TTBK2: variants seen among roughly 807,000 people sequenced by gnomAD.
TTBK2 encodes tau-tubulin kinase 2.
TTBK2 carries 28 observed loss-of-function variants against 110.8 expected under a neutral mutation model. The ratio of observed to expected loss-of-function variants is 0.25; its 90% CI spans 0.19 to 0.35. The LOEUF (loss-of-function observed/expected upper bound fraction) is 0.35. TTBK2 is among the 10% of genes least tolerant of loss of function. The pLI, the probability that TTBK2 is intolerant of heterozygous loss-of-function variation, is 1.00. For missense variants in TTBK2, 1,369 were observed against 1,500.3 expected (o/e 0.91, Z 1.45); for synonymous variants, 532 against 527.3 (o/e 1.01, Z -0.12).
At chr15:42,781,943 T>C (rs1890196295) in intron 11 of TTBK2, among the ~76,000 whole-genome samples, 1 of 152,194 alleles carries the variant, frequency 6.6e-6, no homozygotes, top group Non-Finnish European at 1.5e-5. Context: ...TGACATGATA[T>C]ATATGAAATC....
intron 3 of TTBK2, among the ~76,000 whole-genome samples, chr15:42,848,619 T>G (rs950771220): frequency 6.6e-6 from 1 of 152,136 alleles, no homozygotes; most frequent in Non-Finnish European, 1.5e-5. Flanking sequence ...GCCTCCCAGG[T>G]AGCTGGGATT....
At chr15:42,748,893 C>A (rs1261406281) in intron 14 of TTBK2, among the ~76,000 whole-genome samples, 1 of 152,136 alleles carries the variant, frequency 6.6e-6, no homozygotes, top group Non-Finnish European at 1.5e-5. Context: ...CTAGGGAAAT[C>A]TATAGGATTT....
In TTBK2 at chr15:42,741,384, A is replaced by G. The variant is rs1252628732; in HGVS notation, c.*4411T>C. 6.6e-6 allele frequency: 1 copy of G among 152,260 alleles called. No homozygotes were observed. Among genetic ancestry groups the G allele is most frequent in the African/African-American group, 2.4e-5 (1 of 41,468 alleles). The allele number at this position is 152,260 out of a possible 1,614,324, so 9.4% of individuals were successfully genotyped here. On this transcript the variant is annotated 3_prime_UTR_variant, in exon 15 of 15. Transcript: ENST00000267890. ...TATACGCTGATACATAAGGACTACC[A>G]TAGAAGTTACATGCCTTAATCCTGT...
chr15:42,913,041 C>T (rs1596054085), intron 1 of TTBK2, among the ~76,000 whole-genome samples: 1 of 144,574 alleles, frequency 6.9e-6, no homozygotes, highest in East Asian at 2.2e-4. Flanking sequence ...AGGAGAATGG[C>T]GTGAACCCGG....
intron 13 of TTBK2, among the ~76,000 whole-genome samples, chr15:42,764,762 C>T (rs1244862697): frequency 6.6e-6 from 1 of 152,236 alleles, no homozygotes; most frequent in Non-Finnish European, 1.5e-5. Flanking sequence ...AGTGCTTCTC[C>T]CAGCATGGAG....
intron 1 of TTBK2, among the ~76,000 whole-genome samples, chr15:42,918,719 C>A (rs1268439718): frequency 2.6e-5 from 4 of 152,124 alleles, no homozygotes; most frequent in African/African-American, 9.7e-5. Flanking sequence ...TGAAGCCCCA[C>A]ATAATTGAGT....
At chr15:42,847,548 G>A (rs1160125876) in intron 3 of TTBK2, among the ~76,000 whole-genome samples, 1 of 152,184 alleles carries the variant, frequency 6.6e-6, no homozygotes, top group Non-Finnish European at 1.5e-5. Flanking sequence ...AAGTTACACA[G>A]CTTTATATCT....
chr15:42,834,204 G>GGA (rs924829975), intron 4 of TTBK2, among the ~76,000 whole-genome samples: 2 of 148,448 alleles, frequency 1.3e-5, no homozygotes, highest in African/African-American at 5.1e-5. Context: ...AAAGGGGGGG[G>GGA]GTGTATAAAA....
intron 6 of TTBK2, among the ~76,000 whole-genome samples, chr15:42,824,837 C>T (rs140094672): frequency 1.7e-3 from 260 of 151,990 alleles, no homozygotes; most frequent in African/African-American, 5.8e-3. Flanking sequence ...ACCTATATAA[C>T]AAACTTGCAC....
chr15:42,907,184 G>A (rs895518740), intron 1 of TTBK2, among the ~76,000 whole-genome samples: 24 of 152,134 alleles, frequency 1.6e-4, no homozygotes, highest in African/African-American at 5.6e-4. Context: ...AATAACAAAT[G>A]CTGGCAAGGA....
chr15:42,787,764 T>C (rs1033862026), intron 10 of TTBK2, among the ~76,000 whole-genome samples: 3 of 152,220 alleles, frequency 2.0e-5, no homozygotes, highest in Non-Finnish European at 4.4e-5. Flanking sequence ...AGTGTTTACA[T>C]TATCATTTTT....
intron 9 of TTBK2, among the ~76,000 whole-genome samples, chr15:42,804,852 T>C (rs1030454715): frequency 6.6e-6 from 1 of 152,188 alleles, no homozygotes; most frequent in African/African-American, 2.4e-5. Flanking sequence ...CTCATACTGG[T>C]GCAGCCTGAT....
At chr15:42,784,378 A>G (rs1477089834) in intron 10 of TTBK2, among the ~76,000 whole-genome samples, 2 of 151,986 alleles carry the variant, frequency 1.3e-5, no homozygotes, top group Non-Finnish European at 2.9e-5. Context: ...CTCGGATTCA[A>G]GCGATTCTCC....
At chr15:42,911,324 G>A (rs1418204825) in intron 1 of TTBK2, among the ~76,000 whole-genome samples, 3 of 152,040 alleles carry the variant, frequency 2.0e-5, no homozygotes, top group Non-Finnish European at 4.4e-5. Flanking sequence ...GGACTGTGCT[G>A]GGCACTGTGG....
At chr15:42,837,194 C>A (rs1043446543) in intron 4 of TTBK2, among the ~76,000 whole-genome samples, 3 of 150,562 alleles carry the variant, frequency 2.0e-5, no homozygotes, top group Non-Finnish European at 4.4e-5. Context: ...ACCGTCCCTA[C>A]TAAAAATACA....
At position 42,752,013 on chromosome 15, in the gene TTBK2, G is replaced by A; in HGVS notation, c.3233C>T (p.Pro1078Leu). ...STSSQFFPRPPPGKPPTRPGV... is the reference protein window; with the variant it reads ...STSSQFFPRPLPGKPPTRPGV... ...AGGCCTCGTGGGTGGCTTTCCTGGT[G>A]GTGGCCGAGGAAAGAACTGAGACGA... Residue 1078 changes from proline to leucine, a missense_variant, in exon 14 of 15, where the codon CCA (proline) becomes CTA (leucine). Pro to Leu is a moderately conservative substitution (Grantham distance 98, BLOSUM62 -3). Coordinates refer to ENST00000267890, the MANE Select transcript of TTBK2 (RefSeq NM_173500.4). 2 of 1,614,194 alleles carry A rather than the reference G, an allele frequency of 1.2e-6. No individual in the cohort carries two copies. Among genetic ancestry groups the A allele is most frequent in the Non-Finnish European group, 1.7e-6 (2 of 1,180,026 alleles).
chr15:42,835,214 A>G (rs1438023384), intron 4 of TTBK2, among the ~76,000 whole-genome samples: 1 of 152,182 alleles, frequency 6.6e-6, no homozygotes, highest in Non-Finnish European at 1.5e-5. Flanking sequence ...AACCACTGGT[A>G]ACTTTAAAAT....
chr15:42,827,884 CAGGG>C, intron 6 of TTBK2, 40 bp downstream of exon 6: 1 of 1,478,374 alleles, frequency 6.8e-7, no homozygotes, highest in Non-Finnish European at 9.4e-7. Flanking sequence ...CTATAAATAC[CAGGG>C]TAATTATCAA....
At chr15:42,843,784 A>G (rs1255760403) in intron 3 of TTBK2, among the ~76,000 whole-genome samples, 1 of 143,248 alleles carries the variant, frequency 7.0e-6, no homozygotes, top group Non-Finnish European at 1.5e-5. Context: ...AAAAAAAAAG[A>G]TTTGTAACTT....
Sources: gnomAD v4.1 joint callset for allele counts (sites outside exome capture counted in the v4.1 genomes callset) on GRCh38, gnomAD v4.1.1 for gene constraint, MANE v1.5 for transcripts, NCBI Gene and HGNC (gene_info 2026-07-23, HGNC 2026-07-21) for gene names.